The following ROBO2 variants were observed in gnomAD, a reference collection of about 807,000 sequenced individuals.
ROBO2 encodes roundabout homolog 2.
In ROBO2, 53 loss-of-function variants were observed where a neutral mutation model predicts 160.8. The ratio of observed to expected loss-of-function variants is 0.33; its 90% confidence interval spans 0.26 to 0.41. ROBO2 has a LOEUF of 0.41. Ranked by LOEUF, ROBO2 falls within the 10% of genes least tolerant of loss-of-function variation. The pLI is 1.00. For missense variants in ROBO2, 1,577 were observed against 1,722.4 expected (o/e 0.92, Z 1.49); for synonymous variants, 664 against 611.7 (o/e 1.09, Z -1.26).
chr3:76,218,542 C>A (rs1703725610), intron 2 of ROBO2, among the ~76,000 whole-genome samples: 1 of 152,066 alleles, frequency 6.6e-6, no homozygotes, highest in Non-Finnish European at 1.5e-5. Flanking sequence ...GAGCCAAATC[C>A]TGAGTGAATT....
chr3:76,644,810 G>T (rs1464204536), intron 2 of ROBO2, among the ~76,000 whole-genome samples: 1 of 152,120 alleles, frequency 6.6e-6, no homozygotes, highest in African/African-American at 2.4e-5. Flanking sequence ...AGATGCTGAG[G>T]CAGTTAATAA....
intron 2 of ROBO2, among the ~76,000 whole-genome samples, chr3:76,537,859 G>A (rs980912455): frequency 2.8e-4 from 42 of 152,108 alleles, no homozygotes; most frequent in Non-Finnish European, 4.3e-4. Flanking sequence ...GTGGTTATCT[G>A]TTGTCAGCAG....
chr3:76,229,989 A>G (rs1704523960), intron 2 of ROBO2, among the ~76,000 whole-genome samples: 1 of 152,104 alleles, frequency 6.6e-6, no homozygotes, highest in African/African-American at 2.4e-5. Context: ...TAACCTTATC[A>G]TGGATGGCAG....
chr3:76,033,516 A>G (rs1466808461), intron 2 of ROBO2, among the ~76,000 whole-genome samples: 3 of 152,174 alleles, frequency 2.0e-5, no homozygotes, highest in Admixed American at 6.5e-5. Context: ...TATTTTCTAC[A>G]TGGCATCATG....
At chr3:77,249,067 G>T (rs1489746681) in intron 2 of ROBO2, among the ~76,000 whole-genome samples, 3 of 152,016 alleles carry the variant, frequency 2.0e-5, no homozygotes, top group Non-Finnish European at 2.9e-5. Context: ...GGCCAGGCTG[G>T]TCTCAAACTC....
intron 2 of ROBO2, among the ~76,000 whole-genome samples, chr3:77,200,905 A>T (rs1579921402): frequency 6.6e-6 from 1 of 152,244 alleles, no homozygotes; most frequent in South Asian, 2.1e-4. Context: ...AAGGCCTCAA[A>T]TTCCAGGCAA....
intron 2 of ROBO2, among the ~76,000 whole-genome samples, chr3:76,211,847 T>C (rs1703166024): frequency 6.6e-6 from 1 of 152,020 alleles, no homozygotes; most frequent in South Asian, 2.1e-4. Flanking sequence ...CTAAAGTATA[T>C]CAGAGTAGTT....
At chr3:76,354,495 T>A (rs2075046381) in intron 2 of ROBO2, among the ~76,000 whole-genome samples, 1 of 151,896 alleles carries the variant, frequency 6.6e-6, no homozygotes, top group South Asian at 2.1e-4. Flanking sequence ...AGATAGTCAT[T>A]ACTATTTATG....
At chr3:76,533,679 G>T (rs576931347) in intron 2 of ROBO2, among the ~76,000 whole-genome samples, 1 of 152,274 alleles carries the variant, frequency 6.6e-6, no homozygotes, top group African/African-American at 2.4e-5. Context: ...AAGAGAGTCA[G>T]CAAAGGGAGA....
At chr3:77,369,009 C>G (rs1347438678) in intron 2 of ROBO2, among the ~76,000 whole-genome samples, 1 of 152,148 alleles carries the variant, frequency 6.6e-6, no homozygotes, top group African/African-American at 2.4e-5. Context: ...GTTGCAAACT[C>G]TCACTGCAAA....
chr3:76,667,539 A>G (rs1575823528), intron 2 of ROBO2, among the ~76,000 whole-genome samples: 1 of 151,124 alleles, frequency 6.6e-6, no homozygotes, highest in African/African-American at 2.4e-5. Context: ...ACCTCAATCT[A>G]AAATTTAAAA....
chr3:76,939,408 C>T (rs538639648), intron 2 of ROBO2, among the ~76,000 whole-genome samples: 1 of 152,108 alleles, frequency 6.6e-6, no homozygotes, highest in Non-Finnish European at 1.5e-5. Context: ...GACTTAATAC[C>T]AGTGATGAGC....
intron 2 of ROBO2, among the ~76,000 whole-genome samples, chr3:76,278,834 C>T (rs759629914): frequency 3.3e-5 from 5 of 151,818 alleles, no homozygotes; most frequent in East Asian, 3.9e-4. Context: ...AGAATGTGAA[C>T]GCCACTAGTC....
intron 2 of ROBO2, among the ~76,000 whole-genome samples, chr3:76,228,353 A>G (rs768779209): frequency 2.6e-4 from 39 of 152,198 alleles, no homozygotes; most frequent in Non-Finnish European, 5.4e-4. Context: ...GTATTCCTTC[A>G]GGTTCAGCCA....
chr3:76,659,099 T>G (rs1258434482), intron 2 of ROBO2, among the ~76,000 whole-genome samples: 2 of 151,986 alleles, frequency 1.3e-5, no homozygotes, highest in Admixed American at 6.6e-5. Context: ...CTTAGAAACA[T>G]TTGAGGGAGG....
At chr3:76,215,363 G>A (rs777876298) in intron 2 of ROBO2, among the ~76,000 whole-genome samples, 1 of 152,088 alleles carries the variant, frequency 6.6e-6, no homozygotes, top group African/African-American at 2.4e-5. Flanking sequence ...AAACTACTCC[G>A]ATCTAAAGGA....
At chr3:76,961,183 G>A (rs1003270471) in intron 2 of ROBO2, among the ~76,000 whole-genome samples, 4 of 142,362 alleles carry the variant, frequency 2.8e-5, no homozygotes, top group African/African-American at 5.5e-5. Flanking sequence ...GACAGACCCT[G>A]CTCAATCAGA....
At chr3:76,220,503 C>T (rs181893650) in intron 2 of ROBO2, among the ~76,000 whole-genome samples, 22 of 152,124 alleles carry the variant, frequency 1.4e-4, no homozygotes, top group Admixed American at 3.3e-4. Flanking sequence ...TCTGCCCTTC[C>T]GCCTTGTGAC....
chr3:77,317,492 C>A, intron 2 of ROBO2: 1 of 1,500,146 alleles, frequency 6.7e-7, no homozygotes, highest in Non-Finnish European at 9.1e-7. Flanking sequence ...TTGTAAACTC[C>A]GATCCATCCT....
Sources: gnomAD v4.1 joint callset for allele counts (sites outside exome capture counted in the v4.1 genomes callset) on GRCh38, gnomAD v4.1.1 for gene constraint, MANE v1.5 for transcripts, NCBI Gene and HGNC (gene_info 2026-07-23, HGNC 2026-07-21) for gene names.